NME7: variants seen among roughly 807,000 people sequenced by gnomAD.
NME7 encodes NME/NM23 family member 7, also known as nucleoside diphosphate kinase 7.
NME7 carries 41 observed loss-of-function variants against 49.1 expected under a neutral mutation model. The observed-to-expected ratio is 0.83, with a 90% CI of 0.65 to 1.08. NME7 has a LOEUF of 1.08. NME7 is among the 50% of genes least tolerant of loss of function. NME7 has a pLI of 0.00. For synonymous variants in NME7, 139 were observed against 150.6 expected (o/e 0.92, Z 0.56); for missense variants, 423 against 463.4 (o/e 0.91, Z 0.80).
At position 169,324,468 on chromosome 1, in the gene NME7, C is replaced by T. The variant is rs1651978680; in HGVS notation, c.36G>A (p.Glu12=). Residue 12 remains glutamate (E), a synonymous_variant, in exon 2 of 12, where the codon GAG becomes GAA. Coordinates refer to ENST00000367811, the MANE Select transcript of NME7 (RefSeq NM_013330.5). ...NHSERFVFIA[E]WYDPNASLLR... ...GAAGTGAAGCATTTGGATCATACCA[C>T]TCTGCAATGAAAACGAATCTTTCAC... 6.2e-7 allele frequency: 1 copy of T among 1,612,644 alleles called. No individual in the cohort carries two copies.
At chr1:169,337,834 T>C (rs1299656376) in intron 1 of NME7, among the ~76,000 whole-genome samples, 2 of 152,222 alleles carry the variant, frequency 1.3e-5, no homozygotes, top group African/African-American at 2.4e-5. Context: ...TATCAAATAG[T>C]CTTCCTCCAG....
intron 11 of NME7, among the ~76,000 whole-genome samples, chr1:169,166,385 AC>A (rs1659413434): frequency 6.6e-6 from 1 of 152,218 alleles, no homozygotes; most frequent in Non-Finnish European, 1.5e-5. Flanking sequence ...ATAAGGTTTT[AC>A]AAATATCTTG....
chr1:169,333,409 G>A (rs1652334271), intron 1 of NME7, among the ~76,000 whole-genome samples: 3 of 152,014 alleles, frequency 2.0e-5, no homozygotes, highest in African/African-American at 4.8e-5. Flanking sequence ...TGATAGCAGA[G>A]TAGGGTGACT....
At chr1:169,309,048 T>C (rs992690872) in intron 4 of NME7, among the ~76,000 whole-genome samples, 9 of 152,146 alleles carry the variant, frequency 5.9e-5, no homozygotes, top group African/African-American at 2.2e-4. Flanking sequence ...CCTTATATAT[T>C]AAGAAATGAT....
At chr1:169,355,537 T>A (rs1653440473) in intron 1 of NME7, among the ~76,000 whole-genome samples, 2 of 150,326 alleles carry the variant, frequency 1.3e-5, no homozygotes, top group Admixed American at 6.8e-5. Flanking sequence ...TCCCTCACCT[T>A]CTCTGCTCCA....
At chr1:169,348,364 C>CAA (rs35999944) in intron 1 of NME7, among the ~76,000 whole-genome samples, 5 of 127,488 alleles carry the variant, frequency 3.9e-5, no homozygotes, top group South Asian at 2.6e-4. Context: ...CAAAAAAAAG[C>CAA]AAAAAAAAAA....
chr1:169,224,990 G>A (rs576242651), intron 10 of NME7, among the ~76,000 whole-genome samples: 7 of 152,292 alleles, frequency 4.6e-5, no homozygotes, highest in Non-Finnish European at 8.8e-5. Context: ...CTTGGGCAAA[G>A]TTTCAATAGC....
intron 11 of NME7, among the ~76,000 whole-genome samples, chr1:169,157,955 C>A (rs1162625102): frequency 6.6e-6 from 1 of 152,124 alleles, no homozygotes; most frequent in Non-Finnish European, 1.5e-5. Flanking sequence ...GGATATTAGA[C>A]CTTTGTGAGA....
intron 11 of NME7, among the ~76,000 whole-genome samples, chr1:169,140,003 T>C (rs1321746178): frequency 2.0e-5 from 3 of 152,230 alleles, no homozygotes; most frequent in Non-Finnish European, 4.4e-5. Context: ...TGTTAACTTC[T>C]TGATTCGCAA....
intron 1 of NME7, among the ~76,000 whole-genome samples, chr1:169,331,610 A>C (rs1652259053): frequency 1.3e-5 from 2 of 152,174 alleles, no homozygotes; most frequent in Admixed American, 1.3e-4. Context: ...GAACTGATAA[A>C]TTCAGTAAAG....
intron 7 of NME7, among the ~76,000 whole-genome samples, chr1:169,239,325 G>T (rs1164552084): frequency 6.6e-6 from 1 of 151,944 alleles, no homozygotes; most frequent in Non-Finnish European, 1.5e-5. Flanking sequence ...GTAGAGAAAG[G>T]AGGTAGTGAA....
intron 10 of NME7, among the ~76,000 whole-genome samples, chr1:169,213,910 T>A (rs184972283): frequency 3.9e-5 from 6 of 152,176 alleles, no homozygotes; most frequent in African/African-American, 1.4e-4. Flanking sequence ...TAATAGGTGC[T>A]CCAGATTACC....
intron 1 of NME7, among the ~76,000 whole-genome samples, chr1:169,342,910 AGTG>A (rs1652811535): frequency 1.2e-5 from 1 of 80,988 alleles, no homozygotes; most frequent in African/African-American, 4.1e-5. Flanking sequence ...ACATATATAT[AGTG>A]TATATATATA....
At chr1:169,337,213 C>A (rs918893173) in intron 1 of NME7, among the ~76,000 whole-genome samples, 1 of 152,206 alleles carries the variant, frequency 6.6e-6, no homozygotes, top group Non-Finnish European at 1.5e-5. Context: ...GGTCCCGAGC[C>A]GTGCCCCGTG....
chr1:169,168,823 A>AT (rs1460937040), intron 11 of NME7: 3 of 453,578 alleles, frequency 6.6e-6, no homozygotes, highest in East Asian at 7.0e-5. Flanking sequence ...ATTTTTTTCT[A>AT]TTTTTTTGAT....
intron 10 of NME7, among the ~76,000 whole-genome samples, chr1:169,226,851 C>T (rs1647360645): frequency 6.6e-6 from 1 of 151,974 alleles, no homozygotes; most frequent in Non-Finnish European, 1.5e-5. Flanking sequence ...TTTTAAAATC[C>T]CTGTGGTGCA....
chr1:169,166,898 G>C (rs2101840437), intron 11 of NME7, among the ~76,000 whole-genome samples: 1 of 152,292 alleles, frequency 6.6e-6, no homozygotes, highest in African/African-American at 2.4e-5. Flanking sequence ...CTTGAACTCA[G>C]GAGGCGGAGG....
At chr1:169,201,382 T>C (rs2101779023) in intron 10 of NME7, among the ~76,000 whole-genome samples, 1 of 152,258 alleles carries the variant, frequency 6.6e-6, no homozygotes, top group South Asian at 2.1e-4. Flanking sequence ...ATAATATGAC[T>C]AGATTTACAT....
intron 5 of NME7, among the ~76,000 whole-genome samples, chr1:169,299,800 T>G (rs1050685047): frequency 2.6e-5 from 4 of 151,950 alleles, no homozygotes; most frequent in Admixed American, 2.6e-4. Flanking sequence ...CTATAATACC[T>G]CCTCATACAT....
Sources: allele counts gnomAD v4.1 joint callset (sites outside exome capture counted in the v4.1 genomes callset), GRCh38; gene constraint gnomAD v4.1.1; transcripts MANE v1.5; gene names NCBI Gene and HGNC (gene_info 2026-07-23, HGNC 2026-07-21).